Variants in FAM171A1 observed in about 807,000 individuals in gnomAD.
FAM171A1 encodes the protein family with sequence similarity 171 member A1.
FAM171A1 carries 23 observed loss-of-function variants against 74.9 expected under a neutral mutation model. That is an observed-to-expected ratio of 0.31 (90% CI 0.22 to 0.44). The LOEUF (loss-of-function observed/expected upper bound fraction) is 0.44. FAM171A1 is among the 20% of genes least tolerant of loss of function. The pLI, the probability that FAM171A1 is intolerant of heterozygous loss-of-function variation, is 1.00. For missense variants in FAM171A1, 1,162 were observed against 1,159.2 expected (o/e 1.00, Z -0.03); for synonymous variants, 527 against 505.7 (o/e 1.04, Z -0.57).
In FAM171A1 at chr10:15,330,794, T is replaced by C. The variant is rs1410996309; in HGVS notation, c.97+40162A>G. On this transcript the variant is annotated intron_variant, in intron 1 of 7. Coordinates refer to ENST00000378116, the MANE Select transcript of FAM171A1 (RefSeq NM_001010924.2). ...GTGCAGTGGCACAATCTTGGCTCACTGTAACCTCCACCTCCCAGGTTTGAG... is the reference window on the plus strand; with the variant it reads ...GTGCAGTGGCACAATCTTGGCTCACCGTAACCTCCACCTCCCAGGTTTGAG... 1.2e-4 allele frequency among the ~76,000 whole-genome samples: 17 copies of C among 144,672 alleles called. No individual in the cohort carries two copies. The East Asian group carries it at 3.5e-3, about 30-fold the overall frequency. The allele number at this position is 144,672 out of a possible 152,430, so 94.9% of individuals were successfully genotyped here.
rs71390026 is a variant in FAM171A1, at chr10:15,267,601, CAAAAAAAAAAAAA to C, written c.418+8241_418+8253del. 3.9e-4 allele frequency among the ~76,000 whole-genome samples: 21 copies of C among 53,380 alleles called. 1 individual carries two copies. In the Admixed American group the frequency reaches 4.1e-3, roughly 10 times the overall value. 35.0% of individuals were successfully genotyped at this position (53,380 alleles called of 152,430 possible). On this transcript the variant is annotated intron_variant, in intron 3 of 7. Transcript: ENST00000378116. The stretch of plus-strand genomic sequence containing the variant: ...CTGGCAACAGAGCGAGACACCATCG[CAAAAAAAAAAAAA>C]AAAAAAAAAAAAAAAAAGAAGGGGA...
intron 6 of FAM171A1, among the ~76,000 whole-genome samples, chr10:15,217,373 A>G (rs1833979986): frequency 6.6e-6 from 1 of 152,158 alleles, no homozygotes. Context: ...CACCACAGAC[A>G]CCCATTTGCT....
intron 1 of FAM171A1, among the ~76,000 whole-genome samples, chr10:15,318,427 C>T (rs1041416600): frequency 1.3e-5 from 2 of 152,102 alleles, no homozygotes; most frequent in African/African-American, 2.4e-5. Context: ...TATCTGCGTG[C>T]GGTAAGTCTA....
rs536917790 is a variant in FAM171A1, at chr10:15,316,266, G to C, written c.98-32161C>G. On this transcript the variant is annotated intron_variant, in intron 1 of 7. Coordinates refer to ENST00000378116, the MANE Select transcript of FAM171A1 (RefSeq NM_001010924.2). Reference sequence around the variant, plus strand: ...GGATTTCTGGGTTTGCTGAGCAGCTGTATTTTCTGTTTAGAGTGTCAGGCT... The same window carrying C: ...GGATTTCTGGGTTTGCTGAGCAGCTCTATTTTCTGTTTAGAGTGTCAGGCT... Among the ~76,000 whole-genome samples, 22 of 152,316 alleles carry C rather than the reference G, an allele frequency of 1.4e-4. No individual in the cohort carries two copies. The East Asian group carries it at 3.9e-3, about 27-fold the overall frequency.
In FAM171A1 at chr10:15,371,081, G is replaced by A. The variant is rs562622897; in HGVS notation, c.-29C>T. The stretch of plus-strand genomic sequence containing the variant: ...CGCCGCGGGGCCGGCGGCGGCTCGG[G>A]CTCGCCGAGAGCGGGCCGGGCGGCG... On this transcript the variant is annotated 5_prime_UTR_variant, in exon 1 of 8. Transcript: ENST00000378116. 117 of 992,294 alleles carry A rather than the reference G, an allele frequency of 1.2e-4. No individual in the cohort carries two copies. The highest frequency in any genetic ancestry group is 1.3e-4 in the Non-Finnish European group (106 of 828,150). The allele number at this position is 992,294 out of a possible 1,614,324, so 61.5% of individuals were successfully genotyped here.
intron 3 of FAM171A1, among the ~76,000 whole-genome samples, chr10:15,266,913 C>T (rs1383692505): frequency 6.6e-6 from 1 of 151,220 alleles, no homozygotes; most frequent in East Asian, 1.9e-4. Context: ...GAGGCCATAT[C>T]CCGGAGGCCA....
At chr10:15,232,993 A>AT (rs1334941315) in intron 5 of FAM171A1, among the ~76,000 whole-genome samples, 4 of 152,348 alleles carry the variant, frequency 2.6e-5, no homozygotes, top group Non-Finnish European at 5.9e-5. Context: ...GAATGAATAG[A>AT]TAAAAACATT....
At chr10:15,215,092 T>G (rs1833951092) in intron 7 of FAM171A1, among the ~76,000 whole-genome samples, 1 of 152,140 alleles carries the variant, frequency 6.6e-6, no homozygotes, top group Non-Finnish European at 1.5e-5. Context: ...ATCGAGAGAT[T>G]TCATCTTTTA....
chr10:15,231,580 T>C (rs1199738959), intron 5 of FAM171A1, among the ~76,000 whole-genome samples: 3 of 151,770 alleles, frequency 2.0e-5, no homozygotes, highest in Non-Finnish European at 4.4e-5. Flanking sequence ...TAGCAACGCC[T>C]CTCTAAATTA....
chr10:15,286,056 A>C (rs1835031819), intron 1 of FAM171A1, among the ~76,000 whole-genome samples: 1 of 152,210 alleles, frequency 6.6e-6, no homozygotes, highest in Admixed American at 6.5e-5. Context: ...AATGATAAAC[A>C]TGCATAGCTC....
intron 7 of FAM171A1, among the ~76,000 whole-genome samples, chr10:15,214,807 T>C (rs1008811800): frequency 6.6e-6 from 1 of 150,944 alleles, no homozygotes; most frequent in Admixed American, 6.6e-5. Context: ...GTCGCCCACG[T>C]TGGAGTGCAG....
At chr10:15,372,983 A>G (rs966833055), upstream of FAM171A1, among the ~76,000 whole-genome samples, 1 of 152,192 alleles carries the variant, frequency 6.6e-6, no homozygotes, top group African/African-American at 2.4e-5. Flanking sequence ...CACTGCTTCC[A>G]GAACACCAGG....
chr10:15,359,397 G>T (rs1047186745), intron 1 of FAM171A1, among the ~76,000 whole-genome samples: 8 of 152,042 alleles, frequency 5.3e-5, no homozygotes, highest in Non-Finnish European at 2.9e-5. Flanking sequence ...GGGAGGGAAG[G>T]GACAGGGAAG....
At position 15,316,736 on chromosome 10, in the gene FAM171A1, T is replaced by G. The variant is rs117894744; in HGVS notation, c.98-32631A>C. Among the ~76,000 whole-genome samples, 1,358 of 152,330 alleles carry G rather than the reference T, an allele frequency of 8.9e-3. 10 individuals carry two copies. The highest frequency in any genetic ancestry group is 0.014 in the Middle Eastern group (4 of 294). ...ATAATTTACTGTGTTGGCATAACTATGGCAAAACAGGCATTCAACGTTCAC... is the reference window on the plus strand; with the variant it reads ...ATAATTTACTGTGTTGGCATAACTAGGGCAAAACAGGCATTCAACGTTCAC... On this transcript the variant is annotated intron_variant, in intron 1 of 7. Coordinates refer to ENST00000378116, the MANE Select transcript of FAM171A1 (RefSeq NM_001010924.2).
chr10:15,312,428 T>C lies in FAM171A1; in HGVS notation c.98-28323A>G, dbSNP rs572551290. 2.0e-5 allele frequency among the ~76,000 whole-genome samples: 3 copies of C among 151,880 alleles called. No homozygotes were observed. In the South Asian group the frequency reaches 6.2e-4, roughly 32 times the overall value. Reference sequence around the variant, plus strand: ...ACCCTTTAAAGATAAAATGCTATGCTGACACTAAGTAAAATTAGAGCTTGC... The same window carrying C: ...ACCCTTTAAAGATAAAATGCTATGCCGACACTAAGTAAAATTAGAGCTTGC... On this transcript the variant is annotated intron_variant, in intron 1 of 7. Transcript: ENST00000378116.
chr10:15,273,194 AAATGATAAAGGAGGTATCACCGCC>A (rs940248116), intron 3 of FAM171A1, among the ~76,000 whole-genome samples: 40 of 152,334 alleles, frequency 2.6e-4, no homozygotes, highest in African/African-American at 8.7e-4. Context: ...AAGCAATAAA[AAATGATAAAGGAGGTATCACCGCC>A]AATTCCACAG....
At chr10:15,307,435 A>G (rs1446356598) in intron 1 of FAM171A1, among the ~76,000 whole-genome samples, 1 of 152,004 alleles carries the variant, frequency 6.6e-6, no homozygotes, top group African/African-American at 2.4e-5. Flanking sequence ...ACCTGAGGTC[A>G]GGAGTTCGAG....
At chr10:15,226,865 C>G (rs889720810) in intron 5 of FAM171A1, among the ~76,000 whole-genome samples, 2 of 152,108 alleles carry the variant, frequency 1.3e-5, no homozygotes, top group Admixed American at 6.5e-5. Context: ...TCTGCTCCCC[C>G]ACCACAACCA....
intron 4 of FAM171A1, among the ~76,000 whole-genome samples, chr10:15,249,912 T>C (rs543856090): frequency 6.6e-6 from 1 of 152,334 alleles, no homozygotes; most frequent in African/African-American, 2.4e-5. Context: ...GTCATAATTT[T>C]ACATATTTCT....
Sources: gnomAD v4.1 joint callset for allele counts (sites outside exome capture counted in the v4.1 genomes callset) on GRCh38, gnomAD v4.1.1 for gene constraint, MANE v1.5 for transcripts, NCBI Gene and HGNC (gene_info 2026-07-23, HGNC 2026-07-21) for gene names.